TTC28: variants seen among roughly 807,000 people sequenced by gnomAD.
The protein encoded by TTC28 is tetratricopeptide repeat protein 28.
TTC28 carries 61 observed loss-of-function variants against 198.0 expected under a neutral mutation model. The observed-to-expected ratio is 0.31, with a 90% CI of 0.25 to 0.38. The LOEUF is 0.38. Among genes scored for constraint, TTC28 ranks in the 10% least tolerant of loss-of-function variants. The probability of loss-of-function intolerance (pLI) is 1.00; values close to 1 mark genes in which losing one functional copy is unlikely to be tolerated. For missense variants in TTC28, 2,678 were observed against 3,164.0 expected (o/e 0.85, Z 3.69); for synonymous variants, 1,171 against 1,297.8 (o/e 0.90, Z 2.10).
intron 5 of TTC28, among the ~76,000 whole-genome samples, chr22:28,279,833 C>T (rs1395945345): frequency 1.3e-5 from 2 of 152,156 alleles, no homozygotes; most frequent in Non-Finnish European, 2.9e-5. Context: ...GTTTTCGCTA[C>T]GGATTAGTTT....
At chr22:28,112,842 A>G (rs1169697907) in intron 6 of TTC28, among the ~76,000 whole-genome samples, 1 of 152,134 alleles carries the variant, frequency 6.6e-6, no homozygotes, top group South Asian at 2.1e-4. Flanking sequence ...AATTAAATGA[A>G]GATTAGTGGG....
At chr22:28,246,919 C>T (rs537060414) in intron 5 of TTC28, among the ~76,000 whole-genome samples, 112 of 152,152 alleles carry the variant, frequency 7.4e-4, no homozygotes, top group African/African-American at 2.4e-3. Context: ...GATCTATACA[C>T]CCCAACACCT....
chr22:28,001,794 A>G, intron 14 of TTC28: 1 of 549,464 alleles, frequency 1.8e-6, no homozygotes, highest in Non-Finnish European at 3.3e-6. Flanking sequence ...CACAGTCCTG[A>G]GAAGGTTAGA....
chr22:28,126,947 G>T lies in TTC28; in HGVS notation c.1442-18544C>A, dbSNP rs544822304. Among the ~76,000 whole-genome samples the T allele has an allele frequency of 9.3e-4, 142 of 152,270 alleles. 1 individual carries two copies. The highest frequency in any genetic ancestry group is 3.2e-3 in the African/African-American group (135 of 41,558). On this transcript the variant is annotated intron_variant, in intron 6 of 22. Coordinates refer to ENST00000397906, the MANE Select transcript of TTC28 (RefSeq NM_001145418.2). ...TTTGTGATTTAGCTTGCTCATGCTG[G>T]CCTCGAACTCCTGGGGTCAAGCAAT...
intron 12 of TTC28, among the ~76,000 whole-genome samples, chr22:28,034,161 G>A (rs1330841665): frequency 2.0e-5 from 3 of 152,158 alleles, no homozygotes; most frequent in African/African-American, 7.2e-5. Context: ...AAACGGAGAA[G>A]AAACAATAGA....
chr22:28,464,746 G>A (rs1250814785), intron 2 of TTC28, among the ~76,000 whole-genome samples: 1 of 151,990 alleles, frequency 6.6e-6, no homozygotes, highest in Non-Finnish European at 1.5e-5. Context: ...TTTTCCCTCT[G>A]TTATCACTTC....
chr22:28,394,573 A>T (rs1012632463), intron 2 of TTC28, among the ~76,000 whole-genome samples: 1 of 152,186 alleles, frequency 6.6e-6, no homozygotes. Context: ...TTATAAAAAG[A>T]TCTAATCTGC....
chr22:28,088,667 T>A (rs1380399829), intron 12 of TTC28, among the ~76,000 whole-genome samples: 1 of 151,972 alleles, frequency 6.6e-6, no homozygotes, highest in Non-Finnish European at 1.5e-5. Context: ...ACAAATGGGA[T>A]CTAATTAAAC....
chr22:28,623,340 TATA>T (rs2051030056), intron 2 of TTC28, among the ~76,000 whole-genome samples: 1 of 152,190 alleles, frequency 6.6e-6, no homozygotes, highest in African/African-American at 2.4e-5. Flanking sequence ...ATCAAGAAGA[TATA>T]ATAATGTTAT....
chr22:28,410,692 A>G (rs1411761251), intron 2 of TTC28, among the ~76,000 whole-genome samples: 2 of 152,362 alleles, frequency 1.3e-5, no homozygotes, highest in Non-Finnish European at 2.9e-5. Context: ...CTAAAGCAAT[A>G]TAAGGAAAAC....
intron 2 of TTC28, among the ~76,000 whole-genome samples, chr22:28,556,806 A>G (rs2049793878): frequency 6.6e-6 from 1 of 152,232 alleles, no homozygotes; most frequent in African/African-American, 2.4e-5. Flanking sequence ...CTTCCAAGGT[A>G]GCTCACTCAT....
intron 12 of TTC28, among the ~76,000 whole-genome samples, chr22:28,056,785 C>T (rs1056268368): frequency 6.6e-6 from 1 of 152,170 alleles, no homozygotes; most frequent in Non-Finnish European, 1.5e-5. Flanking sequence ...CCTTCATGAT[C>T]CTTCCCAGTT....
chr22:28,147,888 T>C (rs529046055), intron 6 of TTC28, among the ~76,000 whole-genome samples: 1 of 152,362 alleles, frequency 6.6e-6, no homozygotes, highest in East Asian at 1.9e-4. Context: ...GAAGCTGTTA[T>C]TTGAATATCT....
At chr22:28,621,556 A>AAAT (rs2050997284) in intron 2 of TTC28, among the ~76,000 whole-genome samples, 2 of 151,468 alleles carry the variant, frequency 1.3e-5, no homozygotes, top group South Asian at 2.1e-4. Context: ...CACTAAAAAA[A>AAAT]AATAATAATA....
chr22:28,238,266 CT>C (rs1929395001), intron 5 of TTC28, among the ~76,000 whole-genome samples: 1 of 151,996 alleles, frequency 6.6e-6, no homozygotes, highest in South Asian at 2.1e-4. Context: ...ATTAATTTTC[CT>C]TGGTCTTTTT....
chr22:28,475,169 A>AG (rs1391032738), intron 2 of TTC28, among the ~76,000 whole-genome samples: 4 of 150,276 alleles, frequency 2.7e-5, no homozygotes, highest in East Asian at 1.9e-4. Context: ...AAAAAAAAAA[A>AG]AAAGAAAGAA....
intron 5 of TTC28, among the ~76,000 whole-genome samples, chr22:28,188,266 G>T (rs1381209851): frequency 1.3e-5 from 2 of 152,174 alleles, no homozygotes; most frequent in African/African-American, 4.8e-5. Context: ...GACAGTAGAT[G>T]AAAGATATCC....
rs183025918 is a variant in TTC28, at chr22:28,610,012, C to T, written c.381+19540G>A. On this transcript the variant is annotated intron_variant, in intron 2 of 22. Coordinates refer to ENST00000397906, the MANE Select transcript of TTC28 (RefSeq NM_001145418.2). ...TATAGCCCACCACAGCTCAGCAAGG[C>T]CACTGTGGCCAGACTGCCTCTCTAG... 1.9e-3 allele frequency among the ~76,000 whole-genome samples: 291 copies of T among 152,302 alleles called. 1 individual carries two copies. Among genetic ancestry groups the T allele is most frequent in the African/African-American group, 6.3e-3 (263 of 41,576 alleles).
rs528513899 is a variant in TTC28 at position 28,201,175 on chromosome 22, C to T, written c.934-37576G>A. On this transcript the variant is annotated intron_variant, in intron 5 of 22. Coordinates refer to ENST00000397906, the MANE Select transcript of TTC28 (RefSeq NM_001145418.2). ...AGTATAGGAGAAGGACTTGATCAATCTTAAAATTCATTCATTCATTCATTC... is the reference window on the plus strand; with the variant it reads ...AGTATAGGAGAAGGACTTGATCAATTTTAAAATTCATTCATTCATTCATTC... 4.6e-5 allele frequency among the ~76,000 whole-genome samples: 7 copies of T among 151,714 alleles called. No homozygotes were observed. The South Asian group carries it at 1.5e-3, about 32-fold the overall frequency.
Sources: allele counts gnomAD v4.1 joint callset (sites outside exome capture counted in the v4.1 genomes callset), GRCh38; gene constraint gnomAD v4.1.1; transcripts MANE v1.5; gene names NCBI Gene and HGNC (gene_info 2026-07-23, HGNC 2026-07-21).